The following CADM2 variants were observed in gnomAD, a reference collection of about 807,000 sequenced individuals.
CADM2 encodes the protein cell adhesion molecule 2, also known as immunoglobulin superfamily member 4D.
Under a neutral mutation model 49.8 loss-of-function variants are expected in CADM2, and 12 were observed. The observed-to-expected ratio is 0.24, with a 90% CI of 0.15 to 0.39. The LOEUF (loss-of-function observed/expected upper bound fraction) is 0.39. Ranked by LOEUF, CADM2 falls within the 10% of genes least tolerant of loss-of-function variation. CADM2 has a pLI of 1.00. For synonymous variants in CADM2, 214 were observed against 175.4 expected (o/e 1.22, Z -1.74); for missense variants, 378 against 492.3 (o/e 0.77, Z 2.20).
At chr3:85,646,751 A>G (rs992248348) in intron 1 of CADM2, among the ~76,000 whole-genome samples, 1 of 151,868 alleles carries the variant, frequency 6.6e-6, no homozygotes. Context: ...TTTGACTTAT[A>G]CTTGAAAACT....
chr3:85,348,407 G>A (rs1174727589), intron 1 of CADM2, among the ~76,000 whole-genome samples: 1 of 152,148 alleles, frequency 6.6e-6, no homozygotes, highest in African/African-American at 2.4e-5. Flanking sequence ...TTTGACCATT[G>A]ACTAAATATC....
intron 1 of CADM2, among the ~76,000 whole-genome samples, chr3:85,019,779 A>T (rs1339398135): frequency 6.6e-6 from 1 of 152,236 alleles, no homozygotes; most frequent in Non-Finnish European, 1.5e-5. Context: ...CAGGCCAATT[A>T]TAAGTTATCA....
chr3:85,283,207 A>G (rs1052129281), intron 1 of CADM2, among the ~76,000 whole-genome samples: 1 of 152,002 alleles, frequency 6.6e-6, no homozygotes, highest in African/African-American at 2.4e-5. Context: ...AACATTTTCT[A>G]TTAACAATTT....
intron 7 of CADM2, among the ~76,000 whole-genome samples, chr3:85,959,072 C>A (rs115016350): frequency 0.039 from 5,879 of 150,554 alleles, 389 homozygotes; most frequent in African/African-American, 0.14. Flanking sequence ...ATCTATATAT[C>A]TATATAGCTA....
intron 3 of CADM2, among the ~76,000 whole-genome samples, chr3:85,835,215 A>C (rs1413304472): frequency 6.6e-6 from 1 of 151,308 alleles, no homozygotes; most frequent in Non-Finnish European, 1.5e-5. Flanking sequence ...CATACTTGTG[A>C]TTAATGTTTT....
chr3:85,270,763 C>G lies in CADM2; in HGVS notation c.61+311095C>G, dbSNP rs115145359. 5.0e-3 allele frequency among the ~76,000 whole-genome samples: 750 copies of G among 151,434 alleles called. 7 individuals are homozygous for G. The highest frequency in any genetic ancestry group is 0.018 in the African/African-American group (726 of 41,442). On this transcript the variant is annotated intron_variant, in intron 1 of 9. Transcript: ENST00000383699. ...TATTAAGTAGAACACTTATGTGCCA[C>G]TCATTCCACACATATCTATAAATTT...
intron 2 of CADM2, among the ~76,000 whole-genome samples, chr3:85,785,051 G>A (rs1220187238): frequency 9.9e-5 from 15 of 151,902 alleles, no homozygotes; most frequent in Admixed American, 7.9e-4. Flanking sequence ...TTTCTTCTGC[G>A]TTTTCCAATT....
At chr3:85,910,922 GTCTAT>G (rs1717500276) in intron 5 of CADM2, among the ~76,000 whole-genome samples, 1 of 151,978 alleles carries the variant, frequency 6.6e-6, no homozygotes, top group Non-Finnish European at 1.5e-5. Flanking sequence ...ACATGCATAT[GTCTAT>G]TAATCAAATG....
chr3:85,314,469 A>T (rs1015246013), intron 1 of CADM2, among the ~76,000 whole-genome samples: 2 of 150,982 alleles, frequency 1.3e-5, no homozygotes, highest in African/African-American at 4.9e-5. Context: ...TAGTTACATT[A>T]AAAAAAAACC....
intron 2 of CADM2, chr3:85,800,764 G>T (rs1429760684): frequency 6.6e-6 from 1 of 152,270 alleles, no homozygotes; most frequent in Non-Finnish European, 1.5e-5. Context: ...CCATTGAGAT[G>T]AACTGGGTAC....
intron 1 of CADM2, among the ~76,000 whole-genome samples, chr3:85,100,355 A>G (rs72905221): frequency 0.024 from 3,669 of 152,312 alleles, 135 homozygotes; most frequent in African/African-American, 0.083. Context: ...TGCAGTGATT[A>G]TTATGGCTAT....
chr3:85,739,955 A>T (rs980907334), intron 2 of CADM2, among the ~76,000 whole-genome samples: 2 of 152,182 alleles, frequency 1.3e-5, no homozygotes, highest in Non-Finnish European at 2.9e-5. Context: ...CAAATGGGAG[A>T]TGAAATATTT....
chr3:84,983,925 T>C (rs182024564), intron 1 of CADM2, among the ~76,000 whole-genome samples: 8 of 152,190 alleles, frequency 5.3e-5, no homozygotes, highest in Admixed American at 3.3e-4. Context: ...AAGTGTGATA[T>C]ACATAGGTGG....
intron 6 of CADM2, among the ~76,000 whole-genome samples, chr3:85,925,584 C>T (rs569650520): frequency 6.6e-6 from 1 of 152,206 alleles, no homozygotes; most frequent in Admixed American, 6.5e-5. Flanking sequence ...GTCCTGTTAA[C>T]CCTTGGTATT....
At chr3:85,399,246 A>T (rs2034959782) in intron 1 of CADM2, among the ~76,000 whole-genome samples, 1 of 152,198 alleles carries the variant, frequency 6.6e-6, no homozygotes, top group Admixed American at 6.5e-5. Context: ...TAAATAGGGA[A>T]TCCTTTCCCC....
At chr3:85,147,502 C>G (rs564154816) in intron 1 of CADM2, among the ~76,000 whole-genome samples, 62 of 152,042 alleles carry the variant, frequency 4.1e-4, no homozygotes, top group African/African-American at 1.5e-3. Flanking sequence ...GAGTGTTAGG[C>G]ATTATCAGTA....
At chr3:85,399,287 G>T (rs962186301) in intron 1 of CADM2, among the ~76,000 whole-genome samples, 2 of 152,058 alleles carry the variant, frequency 1.3e-5, no homozygotes, top group Non-Finnish European at 2.9e-5. Context: ...TTGTCAAAGA[G>T]CAGATGGTTG....
intron 8 of CADM2, among the ~76,000 whole-genome samples, chr3:85,985,265 T>C (rs930690119): frequency 1.3e-5 from 2 of 151,988 alleles, no homozygotes; most frequent in African/African-American, 4.8e-5. Context: ...CCTCACATTG[T>C]GCAAGGGGCA....
chr3:85,743,455 G>A (rs910132272), intron 2 of CADM2, among the ~76,000 whole-genome samples: 1 of 152,132 alleles, frequency 6.6e-6, no homozygotes, highest in African/African-American at 2.4e-5. Context: ...TCGCTTTAAA[G>A]CATAATGTTT....
Sources: gnomAD v4.1 joint callset for allele counts (sites outside exome capture counted in the v4.1 genomes callset) on GRCh38, gnomAD v4.1.1 for gene constraint, MANE v1.5 for transcripts, NCBI Gene and HGNC (gene_info 2026-07-23, HGNC 2026-07-21) for gene names.